Variants in NAT9 observed in about 807,000 individuals in gnomAD.
The protein encoded by NAT9 is alpha/beta-tubulin-N-acetyltransferase 9.
Under a neutral mutation model 24.0 loss-of-function variants are expected in NAT9, and 18 were observed. That is an observed-to-expected ratio of 0.75 (90% CI 0.52 to 1.11). NAT9 has a LOEUF of 1.11. Among genes scored for constraint, NAT9 ranks in the 50% most tolerant of loss-of-function variants. The probability of loss-of-function intolerance (pLI) is 0.00; values close to 1 mark genes in which losing one functional copy is unlikely to be tolerated. For missense variants in NAT9, 254 were observed against 258.6 expected (o/e 0.98, Z 0.12); for synonymous variants, 104 against 102.3 (o/e 1.02, Z -0.10).
chr17:74,773,895 C>A, intron 2 of NAT9: 1 of 533,216 alleles, frequency 1.9e-6, no homozygotes. Flanking sequence ...TCAGTTCTAT[C>A]TGTCCAATTT....
At position 74,772,971 on chromosome 17, in the gene NAT9, T is replaced by C. The variant is rs760244828; in HGVS notation, c.259A>G (p.Met87Val). The change falls in exon 4 of 7, where the codon ATG (methionine) becomes GTG (valine). Residue 87 changes from methionine (M) to valine (V), a missense_variant. By Grantham distance (21) the Met-to-Val change is conservative (BLOSUM62 1). Transcript: ENST00000357814. ...AGGAAGAGGTTCACATCTCCCACCA[T>C]GCAGCTCTCTTCGGTGGCGCCTGGC... ...AQPGATEESC[M>V]VGDVNLFLTD... 22 of 1,614,032 alleles carry C rather than the reference T, an allele frequency of 1.4e-5. No homozygotes were observed. Among genetic ancestry groups the C allele is most frequent in the East Asian group, 4.5e-5 (2 of 44,904 alleles).
At chr17:74,775,386 G>T in intron 2 of NAT9, 1 of 412,046 alleles carries the variant, frequency 2.4e-6, no homozygotes, top group Non-Finnish European at 4.3e-6. Flanking sequence ...ACAAGGTCTC[G>T]CTACGTTACC....
In NAT9 at chr17:74,770,882, C is replaced by G. The variant is rs2035133695; in HGVS notation, c.*842G>C. On this transcript the variant is annotated 3_prime_UTR_variant, in exon 7 of 7. Coordinates refer to ENST00000357814, the MANE Select transcript of NAT9 (RefSeq NM_015654.5). The stretch of plus-strand genomic sequence containing the variant: ...TGCCAGGTAGCCCGGCCACCCTGAG[C>G]CTGTGCCTCCACTGCCCCCGCGTGG... 6.6e-6 allele frequency: 1 copy of G among 152,296 alleles called. No individual in the cohort carries two copies. The highest frequency in any genetic ancestry group is 1.5e-5 in the Non-Finnish European group (1 of 68,108). 9.4% of individuals were successfully genotyped at this position (152,296 alleles called of 1,614,324 possible).
rs1481142855 is a variant in NAT9, at chr17:74,772,987, G to A, written c.243C>T (p.Ala81=). The A allele has an allele frequency of 6.2e-7, 1 of 1,614,066 alleles. No homozygotes were observed. Among genetic ancestry groups the A allele is most frequent in the Non-Finnish European group, 8.5e-7 (1 of 1,180,008 alleles). The part of the protein sequence containing the change: ...DAEKWQAQPG[A]TEESCMVGDV... ...CTCCCACCATGCAGCTCTCTTCGGT[G>A]GCGCCTGGCTGGGCCTGCCACTTCT... The change falls in exon 4 of 7, where the codon GCC becomes GCT. Residue 81 remains alanine (A), a synonymous_variant. Transcript: ENST00000357814.
chr17:74,772,818 C>A (rs1042078066), intron 4 of NAT9, 78 bp downstream of exon 4: 1 of 1,587,988 alleles, frequency 6.3e-7, no homozygotes. Flanking sequence ...GAGTGCCCAC[C>A]CTTTGCAGCC....
In NAT9 at chr17:74,772,038, A is replaced by C. The variant is rs2035271954; in HGVS notation, c.411T>G (p.Gly137=). 1.2e-6 allele frequency: 2 copies of C among 1,614,210 alleles called. No individual in the cohort carries two copies. The highest frequency in any genetic ancestry group is 1.7e-6 in the Non-Finnish European group (2 of 1,180,020). ...CAATTTTAGCCTCAAACTTGGTCAG[A>C]CCTAGCGTGGTCACTCCTCGCAGAG... ...AMLSYGVTTL[G]LTKFEAKIGQ... The change falls in exon 6 of 7, where the codon GGT becomes GGG. Residue 137 remains glycine (G), a synonymous_variant. Coordinates refer to ENST00000357814, the MANE Select transcript of NAT9 (RefSeq NM_015654.5).
chr17:74,773,254 C>G (rs934080870), intron 3 of NAT9: 1 of 627,162 alleles, frequency 1.6e-6, no homozygotes, highest in East Asian at 2.8e-5. Context: ...TCTCAGAGAG[C>G]AGGGAACACA....
intron 5 of NAT9, 26 bp downstream of exon 5, chr17:74,772,192 C>T: frequency 1.2e-6 from 2 of 1,614,234 alleles, no homozygotes; most frequent in South Asian, 1.1e-5. Context: ...GCCCACTTCC[C>T]GCATTGTCTG....
At chr17:74,774,771 C>G (rs913498004) in intron 2 of NAT9, among the ~76,000 whole-genome samples, 2 of 152,046 alleles carry the variant, frequency 1.3e-5, no homozygotes, top group Non-Finnish European at 2.9e-5. Context: ...AGGATGGTCT[C>G]GCTCTCCTGA....
chr17:74,774,448 C>T (rs1279202908), intron 2 of NAT9, among the ~76,000 whole-genome samples: 2 of 139,448 alleles, frequency 1.4e-5, no homozygotes, highest in African/African-American at 5.3e-5. Context: ...GAGTTTTACT[C>T]TTGTTGCCCA....
chr17:74,774,708 T>G (rs886814924), intron 2 of NAT9, among the ~76,000 whole-genome samples: 7 of 149,910 alleles, frequency 4.7e-5, no homozygotes, highest in Non-Finnish European at 1.0e-4. Flanking sequence ...CGCCACCACA[T>G]CCGGCTAATT....
rs1336108724 is a variant in NAT9 at position 74,771,678 on chromosome 17, C to T, written c.*46G>A. The T allele has an allele frequency of 6.2e-7, 1 of 1,610,682 alleles. No homozygotes were observed. The highest frequency in any genetic ancestry group is 2.2e-5 in the East Asian group (1 of 44,866). ...GGCTCTGGTCTTTGAAGTGTATGGG[C>T]CCAACACCCTGCTCACACAGAGTGG... On this transcript the variant is annotated 3_prime_UTR_variant, in exon 7 of 7. Transcript: ENST00000357814.
At chr17:74,772,373 A>C (rs755721906) in intron 4 of NAT9, 96 bp from the exon 5 acceptor site, 3 of 1,515,936 alleles carry the variant, frequency 2.0e-6, no homozygotes, top group Non-Finnish European at 2.7e-6. Context: ...AACAACTCTG[A>C]AGTTGCTACT....
chr17:74,775,188 T>G (rs532420366), intron 2 of NAT9, among the ~76,000 whole-genome samples: 12 of 149,062 alleles, frequency 8.1e-5, no homozygotes, highest in Non-Finnish European at 1.2e-4. Context: ...TGTTTTTTTG[T>G]TTTTTTTGTT....
intron 2 of NAT9, 78 bp downstream of exon 2, chr17:74,775,544 A>T: frequency 8.3e-7 from 1 of 1,199,408 alleles, no homozygotes; most frequent in Non-Finnish European, 1.2e-6. Flanking sequence ...TTCTTAGGGG[A>T]AATAGCCCTG....
At chr17:74,775,966 A>G (rs1043598595) in intron 1 of NAT9, 11 of 407,852 alleles carry the variant, frequency 2.7e-5, no homozygotes, top group African/African-American at 2.0e-4. Context: ...CACTCCCCAG[A>G]ACTTCGATTC....
chr17:74,774,462 T>A (rs527504762), intron 2 of NAT9, among the ~76,000 whole-genome samples: 1 of 150,320 alleles, frequency 6.7e-6, no homozygotes, highest in African/African-American at 2.4e-5. Context: ...TTGCCCAGGC[T>A]GGAATTACAG....
At chr17:74,775,594 C>T (rs763174224) in intron 2 of NAT9, 28 bp downstream of exon 2, 22 of 1,584,748 alleles carry the variant, frequency 1.4e-5, no homozygotes, top group African/African-American at 5.4e-5. Flanking sequence ...GGTGCTGATA[C>T]GCACCCCATG....
At chr17:74,772,462 C>G in intron 4 of NAT9, 185 bp from the exon 5 acceptor site, 1 of 1,434,234 alleles carries the variant, frequency 7.0e-7, no homozygotes, top group East Asian at 2.5e-5. Flanking sequence ...AGCAACCTGA[C>G]TTCAAAGCTG....
Sources: gnomAD v4.1 joint callset for allele counts (sites outside exome capture counted in the v4.1 genomes callset) on GRCh38, gnomAD v4.1.1 for gene constraint, MANE v1.5 for transcripts, NCBI Gene and HGNC (gene_info 2026-07-23, HGNC 2026-07-21) for gene names.